KLHL4: variants seen among roughly 807,000 people sequenced by gnomAD.
KLHL4 encodes the protein kelch-like protein 4.
A neutral mutation model predicts 45.8 loss-of-function variants in KLHL4; 17 were observed. The ratio of observed to expected loss-of-function variants is 0.37; its 90% CI spans 0.25 to 0.56. The LOEUF is 0.56. KLHL4 is among the 20% of genes least tolerant of loss of function. KLHL4 has a pLI of 0.79. For missense variants in KLHL4, 544 were observed against 544.9 expected, an observed-to-expected ratio of 1.00 and a Z score of 0.02; for synonymous variants, 224 against 189.9, an observed-to-expected ratio of 1.18 and a Z score of -1.47.
intron 9 of KLHL4, among the ~76,000 whole-genome samples, chrX:87,651,859 G>T (rs1015500057): frequency 8.9e-6 from 1 of 112,315 alleles, no homozygotes; most frequent in Non-Finnish European, 1.9e-5. Flanking sequence ...ACTAGGTGAT[G>T]CCCCAGTAGA....
In KLHL4 at chrX:87,569,840, C is replaced by A. The variant is rs1166240933; in HGVS notation, c.423-44037C>A. Among the ~76,000 whole-genome samples the A allele has an allele frequency of 3.6e-5, 4 of 111,136 alleles. No individual in the cohort carries two copies. In the South Asian group the frequency reaches 1.1e-3, roughly 31 times the overall value. ...AGGGAGAGAGATGAAGGAGGAGTAA[C>A]TGTTTATTGGTTATGGAGTTTCCTT... is the stretch of plus-strand genomic sequence containing the variant. On this transcript the variant is annotated intron_variant, in intron 1 of 10. Transcript: ENST00000373119.
At chrX:87,521,164 C>T (rs1416576880) in intron 1 of KLHL4, among the ~76,000 whole-genome samples, 1 of 111,503 alleles carries the variant, frequency 9.0e-6, no homozygotes, top group Non-Finnish European at 1.9e-5. Context: ...CACAACCTAC[C>T]AACTGTACTG....
intron 1 of KLHL4, among the ~76,000 whole-genome samples, chrX:87,577,597 T>C (rs1921139976): frequency 8.9e-6 from 1 of 111,898 alleles, no homozygotes; most frequent in Admixed American, 9.5e-5. Context: ...CCAAGAACGG[T>C]TTTTATATTT....
chrX:87,634,226 T>C (rs1877682057), intron 8 of KLHL4, among the ~76,000 whole-genome samples: 1 of 111,688 alleles, frequency 9.0e-6, no homozygotes, highest in South Asian at 3.8e-4. Flanking sequence ...AATTTTACCC[T>C]CAAGAAGTTA....
chrX:87,621,474 T>A (rs184870624), intron 4 of KLHL4, among the ~76,000 whole-genome samples: 1 of 105,794 alleles, frequency 9.5e-6, no homozygotes. Flanking sequence ...AATTGAGATA[T>A]AATATATAAA....
intron 1 of KLHL4, among the ~76,000 whole-genome samples, chrX:87,554,966 T>C (rs1206135774): frequency 9.4e-6 from 1 of 106,481 alleles, no homozygotes; most frequent in East Asian, 3.1e-4. Flanking sequence ...TCTGCATCTA[T>C]TGAGATAAGC....
chrX:87,618,445 T>G (rs1922639137), intron 4 of KLHL4, among the ~76,000 whole-genome samples: 1 of 112,005 alleles, frequency 8.9e-6, no homozygotes, highest in Admixed American at 9.5e-5. Flanking sequence ...AGCTTTAGTT[T>G]GTAAAATTGT....
rs1401986352 is a variant in KLHL4, at chrX:87,613,916, A to G, written c.462A>G (p.Arg154=). 8.3e-7 allele frequency: 1 copy of G among 1,204,592 alleles called. No individual in the cohort carries two copies. The highest frequency in any genetic ancestry group is 2.2e-5 in the Admixed American group (1 of 45,466). The part of the protein sequence containing the change: ...TQHSEDMNAT[R]SEEQFHVINH... ...ACTCTGAAGACATGAATGCCACCAG[A>G]TCTGAAGAGCAGTTCCATGTTATAA... The change falls in exon 2 of 11, where the codon AGA becomes AGG. Residue 154 remains arginine, a synonymous_variant. Coordinates refer to ENST00000373119, the MANE Select transcript of KLHL4 (RefSeq NM_019117.5).
chrX:87,576,521 G>A (rs1362464253), intron 1 of KLHL4, among the ~76,000 whole-genome samples: 2 of 110,479 alleles, frequency 1.8e-5, no homozygotes, highest in Admixed American at 9.7e-5. Flanking sequence ...AAATAAAAGC[G>A]GTTTTTATAA....
intron 9 of KLHL4, among the ~76,000 whole-genome samples, chrX:87,650,787 AG>A (rs1569362316): frequency 8.9e-6 from 1 of 111,910 alleles, no homozygotes; most frequent in East Asian, 2.8e-4. Flanking sequence ...GGGAAGAAAA[AG>A]ATGTTTAATG....
At chrX:87,613,011 A>G (rs1435930505) in intron 1 of KLHL4, among the ~76,000 whole-genome samples, 1 of 111,531 alleles carries the variant, frequency 9.0e-6, no homozygotes, top group African/African-American at 3.3e-5. Context: ...ATGACTGAAG[A>G]TTTAAAGAGT....
At chrX:87,653,742 A>G (rs956551007) in intron 9 of KLHL4, among the ~76,000 whole-genome samples, 9 of 112,162 alleles carry the variant, frequency 8.0e-5, no homozygotes, top group East Asian at 2.8e-4. Flanking sequence ...ACGCCCATCA[A>G]TGATACACTG....
At chrX:87,558,706 T>G (rs751225699) in intron 1 of KLHL4, among the ~76,000 whole-genome samples, 1 of 112,171 alleles carries the variant, frequency 8.9e-6, no homozygotes, top group South Asian at 3.7e-4. Flanking sequence ...TCATTTAATT[T>G]CTCATTTGCA....
In KLHL4 at chrX:87,543,182, G is replaced by A. The variant is rs949044126; in HGVS notation, c.422+24867G>A. Among the ~76,000 whole-genome samples, 3 of 111,216 alleles carry A rather than the reference G, an allele frequency of 2.7e-5. No homozygotes were observed. In the Admixed American group the frequency reaches 2.9e-4, roughly 11 times the overall value. ...TCTATGAGTCGATTAAACCTCTTTTGTTTATGAATGACCAAGTTTCAGATA... is the reference window on the plus strand; with the variant it reads ...TCTATGAGTCGATTAAACCTCTTTTATTTATGAATGACCAAGTTTCAGATA... On this transcript the variant is annotated intron_variant, in intron 1 of 10. Coordinates refer to ENST00000373119, the MANE Select transcript of KLHL4 (RefSeq NM_019117.5).
At chrX:87,584,792 T>C (rs1315124706) in intron 1 of KLHL4, among the ~76,000 whole-genome samples, 1 of 104,739 alleles carries the variant, frequency 9.5e-6, no homozygotes, top group Non-Finnish European at 1.9e-5. Context: ...AAGATAGAAG[T>C]AGCAAGTTCA....
At chrX:87,597,657 T>C (rs897041239) in intron 1 of KLHL4, among the ~76,000 whole-genome samples, 3 of 111,699 alleles carry the variant, frequency 2.7e-5, no homozygotes, top group African/African-American at 9.7e-5. Context: ...TGATTCATAT[T>C]TGTTTTTCTG....
intron 9 of KLHL4, among the ~76,000 whole-genome samples, chrX:87,646,898 T>C (rs1923656048): frequency 9.0e-6 from 1 of 111,024 alleles, no homozygotes; most frequent in Non-Finnish European, 1.9e-5. Context: ...GATAAATAGA[T>C]GGGACTTAAC....
intron 9 of KLHL4, among the ~76,000 whole-genome samples, chrX:87,650,983 A>G (rs1162037265): frequency 1.8e-5 from 2 of 111,968 alleles, no homozygotes; most frequent in African/African-American, 6.5e-5. Context: ...TGCACTGCAC[A>G]TGTATTCACA....
intron 1 of KLHL4, among the ~76,000 whole-genome samples, chrX:87,589,723 T>C (rs1921595706): frequency 9.1e-6 from 1 of 109,989 alleles, no homozygotes; most frequent in Non-Finnish European, 1.9e-5. Context: ...AAAATAGTTA[T>C]ACACAATGAA....
Sources: gnomAD v4.1 joint callset for allele counts (sites outside exome capture counted in the v4.1 genomes callset) on GRCh38, gnomAD v4.1.1 for gene constraint, MANE v1.5 for transcripts, NCBI Gene and HGNC (gene_info 2026-07-23, HGNC 2026-07-21) for gene names.